Variants in PLPP3 observed in about 807,000 individuals in gnomAD.
The protein encoded by PLPP3 is PAP2 beta.
PLPP3 carries 6 observed loss-of-function variants against 29.6 expected under a neutral mutation model. That is an observed-to-expected ratio of 0.20 (90% CI 0.11 to 0.40). PLPP3 has a LOEUF of 0.40. Ranked by LOEUF, PLPP3 falls within the 10% of genes least tolerant of loss-of-function variation. The pLI is 1.00. For synonymous variants in PLPP3, 152 were observed against 159.7 expected (o/e 0.95, Z 0.36); for missense variants, 308 against 407.7 (o/e 0.76, Z 2.11).
chr1:56,529,130 C>T (rs1353432742), intron 2 of PLPP3, among the ~76,000 whole-genome samples: 2 of 151,996 alleles, frequency 1.3e-5, no homozygotes, highest in African/African-American at 4.8e-5. Context: ...CTGTTTGCTT[C>T]TCACAACACC....
chr1:56,537,183 A>C (rs1475996415), intron 1 of PLPP3, 71 bp from the exon 2 acceptor site: 4 of 1,485,434 alleles, frequency 2.7e-6, no homozygotes, highest in African/African-American at 2.8e-5. Flanking sequence ...CATCAGTGCC[A>C]AAGAGGAACT....
chr1:56,515,434 G>A lies in PLPP3; in HGVS notation c.634-3282C>T, dbSNP rs148311490. ...CAGAGGAAGGGCGTGTTTCCCAACC[G>A]GACAAAGCCCACATCTCCCCTTCCC... On this transcript the variant is annotated intron_variant, in intron 4 of 5. Transcript: ENST00000371250. 5.3e-4 allele frequency among the ~76,000 whole-genome samples: 80 copies of A among 152,204 alleles called. No homozygotes were observed. In the South Asian group the frequency reaches 0.014, roughly 26 times the overall value.
chr1:56,536,544 T>C (rs1002282609), intron 2 of PLPP3, among the ~76,000 whole-genome samples: 4 of 152,158 alleles, frequency 2.6e-5, no homozygotes, highest in Non-Finnish European at 5.9e-5. Context: ...GAAAACTACA[T>C]GAAATGTGGT....
intron 1 of PLPP3, 28 bp from the exon 2 acceptor site, chr1:56,537,140 C>A: frequency 1.3e-6 from 2 of 1,587,786 alleles, no homozygotes; most frequent in Non-Finnish European, 8.6e-7. Context: ...ATGGCATATA[C>A]CAGAAAAAAA....
rs1266082268 is a variant in PLPP3, at chr1:56,496,665, C to T, written c.822G>A (p.Val274=). ...ALVACCIVFF[V]SDLFKTKTTL... is the part of the protein sequence containing the mutation. ...TCGTCTTAGTCTTGAAGAGGTCAGACACGAAGAAAACCTAGAAGCACAAAT... is the reference window on the plus strand; with the variant it reads ...TCGTCTTAGTCTTGAAGAGGTCAGATACGAAGAAAACCTAGAAGCACAAAT... The change falls in exon 6 of 6, where the codon GTG becomes GTA. Residue 274 remains valine, a synonymous_variant. Coordinates refer to ENST00000371250, the MANE Select transcript of PLPP3 (RefSeq NM_003713.5). 1 of 1,613,026 alleles carries T rather than the reference C, an allele frequency of 6.2e-7. No homozygotes were observed. The highest frequency in any genetic ancestry group is 8.5e-7 in the Non-Finnish European group (1 of 1,179,608).
At chr1:56,568,932 G>A (rs1426786141) in intron 1 of PLPP3, among the ~76,000 whole-genome samples, 1 of 151,734 alleles carries the variant, frequency 6.6e-6, no homozygotes, top group Non-Finnish European at 1.5e-5. Context: ...GCCCTGTCAT[G>A]TCTTTCTTAT....
intron 2 of PLPP3, among the ~76,000 whole-genome samples, chr1:56,529,680 C>T (rs145831170): frequency 0.01 from 1,575 of 152,268 alleles, 21 homozygotes; most frequent in African/African-American, 0.036. Flanking sequence ...TAAAGTGCAG[C>T]GTCTTTAGTA....
chr1:56,520,242 C>T (rs1490065184), intron 4 of PLPP3, among the ~76,000 whole-genome samples: 1 of 152,158 alleles, frequency 6.6e-6, no homozygotes, highest in Non-Finnish European at 1.5e-5. Flanking sequence ...CTATGTAACC[C>T]ACTCATGGCT....
chr1:56,521,453 T>C (rs1225050758), intron 4 of PLPP3, among the ~76,000 whole-genome samples: 1 of 152,054 alleles, frequency 6.6e-6, no homozygotes, highest in Non-Finnish European at 1.5e-5. Context: ...ATATGTGAGT[T>C]GTGAGTGTTG....
At chr1:56,567,514 C>T (rs1312522597) in intron 1 of PLPP3, among the ~76,000 whole-genome samples, 1 of 150,982 alleles carries the variant, frequency 6.6e-6, no homozygotes, top group Admixed American at 6.6e-5. Context: ...TCTCCTGCCT[C>T]AGCCTCCCAC....
In PLPP3 at chr1:56,542,845, A is replaced by C. The variant is rs193258752; in HGVS notation, c.140-5733T>G. On this transcript the variant is annotated intron_variant, in intron 1 of 5. Coordinates refer to ENST00000371250, the MANE Select transcript of PLPP3 (RefSeq NM_003713.5). The stretch of plus-strand genomic sequence containing the variant: ...GAGACCAGCCTTGGCAACATGATGA[A>C]ACTCCGTCTCTACCAAAAAAACAAA... Among the ~76,000 whole-genome samples, 208 of 152,074 alleles carry C rather than the reference A, an allele frequency of 1.4e-3. 4 individuals carry two copies. The highest frequency in any genetic ancestry group is 2.1e-3 in the East Asian group (11 of 5,154).
intron 1 of PLPP3, among the ~76,000 whole-genome samples, chr1:56,543,357 G>T (rs908249405): frequency 6.6e-6 from 1 of 152,200 alleles, no homozygotes; most frequent in African/African-American, 2.4e-5. Flanking sequence ...CCTCAAGTGA[G>T]TAAATTGGTC....
chr1:56,569,879 C>G (rs1250717811), intron 1 of PLPP3, among the ~76,000 whole-genome samples: 1 of 152,176 alleles, frequency 6.6e-6, no homozygotes, highest in South Asian at 2.1e-4. Context: ...TGCTGCAATA[C>G]CTTCTCCCCC....
Position 56,524,327 on chromosome 1 carries a change from G to A in PLPP3, c.525C>T (p.Tyr175=). ...DFSQINCSEG[Y]IQNYRCRGDD... ...CACCTCTGCATCTGTAGTTCTGAAT[G>A]TAGCCTTCAGAGCAGTTGATCTGGC... Residue 175 remains tyrosine, a synonymous_variant, in exon 3 of 6, where the codon TAC becomes TAT. Coordinates refer to ENST00000371250, the MANE Select transcript of PLPP3 (RefSeq NM_003713.5). The surrounding 1 kb of genome is among the most constrained non-coding windows in gnomAD (Gnocchi z 4.3). The A allele has an allele frequency of 6.2e-7, 1 of 1,614,066 alleles. No homozygotes were observed. Among genetic ancestry groups the A allele is most frequent in the African/African-American group, 1.3e-5 (1 of 75,042 alleles).
intron 1 of PLPP3, chr1:56,538,587 G>A (rs1645945006): frequency 2.7e-6 from 1 of 370,134 alleles, no homozygotes; most frequent in Admixed American, 2.8e-5. Flanking sequence ...CTAAGGGAAT[G>A]GGTACTGCTC....
At position 56,510,832 on chromosome 1, in the gene PLPP3, G is replaced by C. The variant is rs536642233; in HGVS notation, c.810+1144C>G. Reference sequence around the variant, plus strand: ...GGAGAGTAACATATATATTACACATGGTCCCTGCCCCCAAGAACTTACAGC... The same window carrying C: ...GGAGAGTAACATATATATTACACATCGTCCCTGCCCCCAAGAACTTACAGC... On this transcript the variant is annotated intron_variant, in intron 5 of 5. Transcript: ENST00000371250. Among the ~76,000 whole-genome samples the C allele has an allele frequency of 3.7e-3, 562 of 152,218 alleles. 1 individual carries two copies. Among genetic ancestry groups the C allele is most frequent in the Admixed American group, 5.2e-3 (80 of 15,292 alleles).
intron 1 of PLPP3, among the ~76,000 whole-genome samples, chr1:56,572,021 C>T (rs1008045802): frequency 6.3e-5 from 9 of 143,346 alleles, no homozygotes; most frequent in East Asian, 6.1e-4. Context: ...ACCAGCGTTT[C>T]GATCATTTCC....
intron 1 of PLPP3, among the ~76,000 whole-genome samples, chr1:56,540,031 CAT>C (rs1645957773): frequency 1.3e-5 from 2 of 152,092 alleles, no homozygotes; most frequent in African/African-American, 4.8e-5. Context: ...GCCTGTAAAA[CAT>C]ATGTTTCTAT....
chr1:56,532,989 T>G (rs1388128055), intron 2 of PLPP3, among the ~76,000 whole-genome samples: 1 of 151,788 alleles, frequency 6.6e-6, no homozygotes, highest in Admixed American at 6.6e-5. Flanking sequence ...GCCTGGTGTT[T>G]AAGTACCTAC....
Sources: gnomAD v4.1 joint callset for allele counts (sites outside exome capture counted in the v4.1 genomes callset) on GRCh38, gnomAD v4.1.1 for gene constraint, Gnocchi (gnomAD v3.1) non-coding constraint, MANE v1.5 for transcripts, NCBI Gene and HGNC (gene_info 2026-07-23, HGNC 2026-07-21) for gene names.